SUPV3L1: variants seen among roughly 807,000 people sequenced by gnomAD.
The protein encoded by SUPV3L1 is Suv3 like RNA helicase.
A neutral mutation model predicts 70.0 loss-of-function variants in SUPV3L1; 35 were observed. The observed-to-expected ratio is 0.50, with a 90% CI of 0.38 to 0.66. The LOEUF (loss-of-function observed/expected upper bound fraction) is 0.66, where lower values mean the gene tolerates loss of function less well. Ranked by LOEUF, SUPV3L1 falls within the 30% of genes least tolerant of loss-of-function variation. The pLI, the probability that SUPV3L1 is intolerant of heterozygous loss-of-function variation, is 0.00. For synonymous variants in SUPV3L1, 364 were observed against 341.9 expected, an observed-to-expected ratio of 1.06 and a Z score of -0.71; for missense variants, 777 against 961.5, an observed-to-expected ratio of 0.81 and a Z score of 2.54.
intron 13 of SUPV3L1, among the ~76,000 whole-genome samples, chr10:69,206,817 A>G (rs1416321830): frequency 6.6e-6 from 1 of 151,966 alleles, no homozygotes; most frequent in Non-Finnish European, 1.5e-5. Context: ...GACCAGCCTG[A>G]CCAACATGAT....
rs11321429 is a variant in SUPV3L1, at chr10:69,193,452, G to GTT, written c.853+1704_853+1705dup. Among the ~76,000 whole-genome samples, 122 of 131,050 alleles carry GTT rather than the reference G, an allele frequency of 9.3e-4. 1 individual carries two copies. The highest frequency in any genetic ancestry group is 1.8e-3 in the African/African-American group (62 of 34,886). The allele number at this position is 131,050 out of a possible 152,430, so 86.0% of individuals were successfully genotyped here. On this transcript the variant is annotated intron_variant, in intron 6 of 14. Coordinates refer to ENST00000359655, the MANE Select transcript of SUPV3L1 (RefSeq NM_003171.5). ...TTGTACATATCCAGATCACGAAGTA[G>GTT]TTTTTTTTTTTTTTTTTTTGAGACA... is the stretch of plus-strand genomic sequence containing the variant.
intron 1 of SUPV3L1, among the ~76,000 whole-genome samples, chr10:69,183,793 A>G (rs1842137628): frequency 6.6e-6 from 1 of 152,134 alleles, no homozygotes; most frequent in Non-Finnish European, 1.5e-5. Flanking sequence ...AATCATCACC[A>G]TAATTTCATT....
intron 6 of SUPV3L1, among the ~76,000 whole-genome samples, chr10:69,194,108 A>G (rs1842473617): frequency 6.6e-6 from 1 of 152,122 alleles, no homozygotes; most frequent in Non-Finnish European, 1.5e-5. Context: ...TCCAGATGTG[A>G]TAGTTCTCAT....
chr10:69,207,865 C>T lies in SUPV3L1; in HGVS notation c.1849C>T (p.Leu617Phe), dbSNP rs1218622517. Residue 617 changes from leucine (L) to phenylalanine (F), a missense_variant, in exon 14 of 15, where the codon CTT (leucine) becomes TTT (phenylalanine). Leu to Phe is a conservative substitution (Grantham distance 22). Around this residue, in one of 2 missense-constraint regions of SUPV3L1, gnomAD observed 619 missense variants for 823.3 expected, o/e 0.75. Coordinates refer to ENST00000359655, the MANE Select transcript of SUPV3L1 (RefSeq NM_003171.5). ...WLRRYIKWPL[L>F]PPKNIKDLMD... ...ACGCCGATACATCAAATGGCCTTTACTTCCACCTAAGAATATTAAAGACCT... is the reference window on the plus strand; with the variant it reads ...ACGCCGATACATCAAATGGCCTTTATTTCCACCTAAGAATATTAAAGACCT... 1.2e-6 allele frequency: 2 copies of T among 1,614,208 alleles called. No individual in the cohort carries two copies. The highest frequency in any genetic ancestry group is 2.2e-5 in the East Asian group (1 of 44,880).
chr10:69,189,250 A>G lies in SUPV3L1; in HGVS notation c.573-17A>G, dbSNP rs1366081275. ...TTGAGGTTAATGGATTAAGCTGTTT[A>G]CCTACTCATGTTTTAGGTACCCAGA... On this transcript the variant is annotated splice_polypyrimidine_tract_variant and intron_variant, in intron 4 of 14. Transcript: ENST00000359655. The G allele has an allele frequency of 8.7e-6, 14 of 1,609,306 alleles. No homozygotes were observed. Among genetic ancestry groups the G allele is most frequent in the African/African-American group, 1.3e-5 (1 of 74,802 alleles).
Position 69,208,611 on chromosome 10 carries a change from T to C in SUPV3L1, c.1937T>C (p.Met646Thr), listed in dbSNP as rs1031699079. The change falls in exon 15 of 15, where the codon ATG becomes ACG. Residue 646 changes from methionine (M) to threonine (T), a missense_variant. Physicochemically the swap from Met to Thr is moderately conservative, Grantham distance 81. This residue lies in a region of SUPV3L1 where 619 missense variants were observed against 823.3 expected (regional missense o/e 0.75). Coordinates refer to ENST00000359655, the MANE Select transcript of SUPV3L1 (RefSeq NM_003171.5). Reference protein sequence around the residue: ...DLYLWLSYRFMDMFPDASLIR... With the variant: ...DLYLWLSYRFTDMFPDASLIR... Reference sequence around the variant, plus strand: ...TGTCTTTTTCCCAGCTACCGATTTATGGATATGTTTCCAGATGCCAGCCTT... The same window carrying C: ...TGTCTTTTTCCCAGCTACCGATTTACGGATATGTTTCCAGATGCCAGCCTT... 2 of 1,611,676 alleles carry C rather than the reference T, an allele frequency of 1.2e-6. No homozygotes were observed. Among genetic ancestry groups the C allele is most frequent in the Non-Finnish European group, 1.7e-6 (2 of 1,177,962 alleles).
At chr10:69,183,608 A>G (rs1842130087) in intron 1 of SUPV3L1, among the ~76,000 whole-genome samples, 3 of 152,070 alleles carry the variant, frequency 2.0e-5, no homozygotes, top group Admixed American at 1.3e-4. Context: ...GAGCTTGGGT[A>G]GTAGTAGAGG....
chr10:69,205,936 A>T (rs1238322856), intron 13 of SUPV3L1, among the ~76,000 whole-genome samples: 2 of 152,194 alleles, frequency 1.3e-5, no homozygotes, highest in Non-Finnish European at 2.9e-5. Context: ...GCTCAATCAC[A>T]TTAATGACTT....
intron 7 of SUPV3L1, among the ~76,000 whole-genome samples, chr10:69,195,627 A>G (rs998596088): frequency 2.6e-5 from 4 of 152,098 alleles, no homozygotes; most frequent in African/African-American, 9.7e-5. Context: ...GACATTTTTC[A>G]TTATGTATTA....
Position 69,187,711 on chromosome 10 carries a change from A to G in SUPV3L1, c.527A>G (p.Lys176Arg), listed in dbSNP as rs955662345. ...CAAATATTTCCTGTGTTGGACTGTA[A>G]GGATGATCTACGTAAAATCAGTGAC... Reference protein sequence around the residue: ...AKQIFPVLDCKDDLRKISDLR... With the variant: ...AKQIFPVLDCRDDLRKISDLR... Residue 176 changes from lysine (K) to arginine (R), a missense_variant, in exon 4 of 15, where the codon AAG becomes AGG. By Grantham distance (26) the Lys-to-Arg change is conservative (BLOSUM62 2). This residue lies in a region of SUPV3L1 where 619 missense variants were observed against 823.3 expected (regional missense o/e 0.75). Coordinates refer to ENST00000359655, the MANE Select transcript of SUPV3L1 (RefSeq NM_003171.5). 1 of 1,612,772 alleles carries G rather than the reference A, an allele frequency of 6.2e-7. No individual in the cohort carries two copies. The highest frequency in any genetic ancestry group is 8.5e-7 in the Non-Finnish European group (1 of 1,179,704).
chr10:69,203,546 C>T (rs1425480826), intron 13 of SUPV3L1, among the ~76,000 whole-genome samples: 1 of 151,464 alleles, frequency 6.6e-6, no homozygotes, highest in East Asian at 2.0e-4. Flanking sequence ...CACCTGTAAT[C>T]CCAGCTACTC....
rs774481584 is a variant in SUPV3L1, at chr10:69,198,550, C to T, written c.1202C>T (p.Pro401Leu). Residue 401 changes from proline (P) to leucine (L), a missense_variant and splice_region_variant, in exon 9 of 15, where the codon CCT becomes CTT. Pro to Leu is a moderately conservative substitution (Grantham distance 98). Around this residue, in one of 2 missense-constraint regions of SUPV3L1, gnomAD observed 619 missense variants for 823.3 expected, o/e 0.75. Coordinates refer to ENST00000359655, the MANE Select transcript of SUPV3L1 (RefSeq NM_003171.5). ...ESAVIYGSLP[P>L]GTKLAQAKKF... ...GCTGTTATATATGGCAGTCTCCCAC[C>T]TGGTAATTATTGACTTTCCTCGTGA... 1.5e-5 allele frequency: 24 copies of T among 1,612,246 alleles called. 1 individual carries two copies. Among genetic ancestry groups the T allele is most frequent in the Non-Finnish European group, 1.6e-5 (19 of 1,179,568 alleles).
At chr10:69,184,616 TACACACACACAC>T (rs59328806) in intron 1 of SUPV3L1, among the ~76,000 whole-genome samples, 1 of 146,062 alleles carries the variant, frequency 6.8e-6, no homozygotes, top group African/African-American at 2.5e-5. Flanking sequence ...GAAATATAAA[TACACACACACAC>T]ACACACACAC....
Position 69,200,467 on chromosome 10 carries a change from G to GA in SUPV3L1, c.1489dup (p.Ile497AsnfsTer19). ...TCATGAAGATCTCAGTTTATTAAAG[G>GA]AAATTTTGAAGAGGCCTGTGGATCC... On this transcript the variant is annotated frameshift_variant, in exon 11 of 15. Coordinates refer to ENST00000359655, the MANE Select transcript of SUPV3L1 (RefSeq NM_003171.5). LOFTEE classifies it high-confidence loss of function. The GA allele has an allele frequency of 6.2e-7, 1 of 1,614,058 alleles. No homozygotes were observed. The highest frequency in any genetic ancestry group is 8.5e-7 in the Non-Finnish European group (1 of 1,180,008).
At chr10:69,196,312 C>T (rs1343036904) in intron 7 of SUPV3L1, among the ~76,000 whole-genome samples, 1 of 151,986 alleles carries the variant, frequency 6.6e-6, no homozygotes, top group East Asian at 1.9e-4. Flanking sequence ...GCCAACATGG[C>T]GAAACCCTGT....
At chr10:69,197,282 C>G (rs2132291701) in intron 8 of SUPV3L1, among the ~76,000 whole-genome samples, 199 bp downstream of exon 8, 1 of 152,324 alleles carries the variant, frequency 6.6e-6, no homozygotes, top group South Asian at 2.1e-4. Context: ...TCATCACACC[C>G]TAAGTCTTCC....
At chr10:69,194,844 GAA>G (rs71471531) in intron 6 of SUPV3L1, among the ~76,000 whole-genome samples, 1 of 144,602 alleles carries the variant, frequency 6.9e-6, no homozygotes, top group African/African-American at 2.7e-5. Context: ...AAATTAAAAA[GAA>G]AAAAAAAAGA....
At chr10:69,206,851 A>G (rs569527955) in intron 13 of SUPV3L1, among the ~76,000 whole-genome samples, 3 of 152,348 alleles carry the variant, frequency 2.0e-5, no homozygotes, top group East Asian at 3.9e-4. Context: ...CACTAAAAAT[A>G]CAAAAATTAG....
intron 1 of SUPV3L1, among the ~76,000 whole-genome samples, chr10:69,181,145 C>T (rs1327601760): frequency 1.3e-5 from 2 of 152,194 alleles, no homozygotes; most frequent in Non-Finnish European, 2.9e-5. Context: ...GTGTCCCCGG[C>T]TCCAGAGAGA....
Sources: gnomAD v4.1 joint callset for allele counts (sites outside exome capture counted in the v4.1 genomes callset) on GRCh38, gnomAD v4.1.1 for gene constraint, gnomAD v4.1.1 regional missense constraint, MANE v1.5 for transcripts, NCBI Gene and HGNC (gene_info 2026-07-23, HGNC 2026-07-21) for gene names.